TESPA1: variants seen among roughly 807,000 people sequenced by gnomAD.
The protein encoded by TESPA1 is thymocyte expressed, positive selection associated 1.
In TESPA1, 33 loss-of-function variants were observed where a neutral mutation model predicts 57.9. The ratio of observed to expected loss-of-function variants is 0.57; its 90% CI spans 0.43 to 0.76. The LOEUF (loss-of-function observed/expected upper bound fraction) is 0.76. Ranked by LOEUF, TESPA1 falls within the 30% of genes least tolerant of loss-of-function variation. TESPA1 has a pLI of 0.00. For synonymous variants in TESPA1, 227 were observed against 228.9 expected (o/e 0.99, Z 0.07); for missense variants, 618 against 632.9 (o/e 0.98, Z 0.25).
Position 54,977,900 on chromosome 12 carries a change from T to A in TESPA1, c.-45-3293A>T, listed in dbSNP as rs73319744. ...GAATTGTAGAGCCCTGTCCATGGAGTGTTATATGGGAATACTATAAGTACA... is the reference window on the plus strand; with the variant it reads ...GAATTGTAGAGCCCTGTCCATGGAGAGTTATATGGGAATACTATAAGTACA... On this transcript the variant is annotated intron_variant, in intron 1 of 10. Transcript: ENST00000449076. Among the ~76,000 whole-genome samples, 1,478 of 152,132 alleles carry A rather than the reference T, an allele frequency of 9.7e-3. 14 individuals are homozygous for A. The highest frequency in any genetic ancestry group is 0.019 in the African/African-American group (793 of 41,496).
At chr12:54,978,934 C>T (rs538351726) in intron 1 of TESPA1, among the ~76,000 whole-genome samples, 111 of 152,196 alleles carry the variant, frequency 7.3e-4, no homozygotes, top group Non-Finnish European at 1.2e-3. Flanking sequence ...GAACATAGCA[C>T]AGTACTTTGC....
chr12:54,982,224 C>T (rs1952347182), intron 1 of TESPA1, among the ~76,000 whole-genome samples: 1 of 152,232 alleles, frequency 6.6e-6, no homozygotes, highest in Non-Finnish European at 1.5e-5. Flanking sequence ...TCCTAACCCT[C>T]TTCCATGTCA....
At chr12:54,954,067 G>C (rs1349244037) in intron 10 of TESPA1, among the ~76,000 whole-genome samples, 2 of 152,212 alleles carry the variant, frequency 1.3e-5, no homozygotes, top group Non-Finnish European at 2.9e-5. Flanking sequence ...AAGGTAGTGA[G>C]AGTATTGGTA....
At position 54,973,705 on chromosome 12, in the gene TESPA1, C is replaced by G. The variant is rs1951989553; in HGVS notation, c.164-186G>C. 8.8e-6 allele frequency: 12 copies of G among 1,357,638 alleles called. No individual in the cohort carries two copies. In the South Asian group the frequency reaches 2.2e-4, roughly 24 times the overall value. 84.1% of individuals were successfully genotyped at this position (1,357,638 alleles called of 1,614,324 possible). A position where few individuals can be genotyped will look rare whatever the true frequency, so the allele number is the denominator to read the frequency against. On this transcript the variant is annotated intron_variant, in intron 2 of 10. Transcript: ENST00000449076. ...TATAAAAATAGTAGATATTTCTTCT[C>G]TCTCTCTGCTTCTTTTCTCCCTTCC...
Position 54,969,031 on chromosome 12 carries a change from A to G in TESPA1, c.207-1139T>C, listed in dbSNP as rs1178823552. On this transcript the variant is annotated intron_variant, in intron 3 of 10. Coordinates refer to ENST00000449076, the MANE Select transcript of TESPA1 (RefSeq NM_001136030.3). ...TACATATTTATATATGTATATATAT[A>G]TATATATATATATATGTGTGTGTGT... Among the ~76,000 whole-genome samples, 17 of 119,808 alleles carry G rather than the reference A, an allele frequency of 1.4e-4. 2 individuals carry two copies. The Middle Eastern group carries it at 0.03, about 211-fold the overall frequency. The allele number at this position is 119,808 out of a possible 152,430, so 78.6% of individuals were successfully genotyped here. A position where few individuals can be genotyped will look rare whatever the true frequency, so the allele number is the denominator to read the frequency against.
chr12:54,961,886 C>A (rs1427189455), intron 9 of TESPA1, among the ~76,000 whole-genome samples: 1 of 152,112 alleles, frequency 6.6e-6, no homozygotes, highest in African/African-American at 2.4e-5. Flanking sequence ...CTCGGGTAAC[C>A]AAACATGGAC....
intron 10 of TESPA1, among the ~76,000 whole-genome samples, chr12:54,951,848 TG>T (rs1167841605): frequency 1.4e-4 from 21 of 149,834 alleles, no homozygotes; most frequent in East Asian, 4.0e-4. Flanking sequence ...ATTTCTAAGT[TG>T]TTTTTTTTTT....
intron 2 of TESPA1, 147 bp from the exon 3 acceptor site, chr12:54,973,666 A>G: frequency 1.4e-6 from 2 of 1,477,148 alleles, no homozygotes; most frequent in Non-Finnish European, 9.0e-7. Flanking sequence ...AAGATATGAG[A>G]GGAATACACC....
Position 54,949,676 on chromosome 12 carries a change from T to C in TESPA1, c.*716A>G, listed in dbSNP as rs971822681. 2 of 152,198 alleles carry C rather than the reference T, an allele frequency of 1.3e-5. No individual in the cohort carries two copies. The highest frequency in any genetic ancestry group is 2.4e-5 in the African/African-American group (1 of 41,338). 9.4% of individuals were successfully genotyped at this position (152,198 alleles called of 1,614,324 possible). The stretch of plus-strand genomic sequence containing the variant: ...TTGTTTTCTGCCAACAGAAATAGCA[T>C]TTTTTCCCCCCACAATGGCTAGGAG... On this transcript the variant is annotated 3_prime_UTR_variant, in exon 11 of 11. Transcript: ENST00000449076.
intron 1 of TESPA1, among the ~76,000 whole-genome samples, chr12:54,979,849 C>T (rs1952250552): frequency 6.6e-6 from 1 of 152,180 alleles, no homozygotes; most frequent in South Asian, 2.1e-4. Context: ...GGATTCACTA[C>T]ACATTGACAC....
chr12:54,975,870 T>C (rs1419156763), intron 1 of TESPA1, among the ~76,000 whole-genome samples: 1 of 152,178 alleles, frequency 6.6e-6, no homozygotes, highest in Non-Finnish European at 1.5e-5. Flanking sequence ...TTTTAGTGCC[T>C]CTGCTTGTTA....
At chr12:54,970,562 G>A (rs568179134) in intron 3 of TESPA1, among the ~76,000 whole-genome samples, 1 of 152,134 alleles carries the variant, frequency 6.6e-6, no homozygotes, top group South Asian at 2.1e-4. Context: ...CATGGGCCTG[G>A]AGCTATTGAT....
At chr12:54,976,657 T>A (rs1320901394) in intron 1 of TESPA1, among the ~76,000 whole-genome samples, 1 of 152,222 alleles carries the variant, frequency 6.6e-6, no homozygotes, top group Non-Finnish European at 1.5e-5. Context: ...TCTCAGTTTG[T>A]CAGTGAAAAC....
intron 10 of TESPA1, among the ~76,000 whole-genome samples, chr12:54,951,739 T>G (rs1950406182): frequency 6.6e-6 from 1 of 151,910 alleles, no homozygotes; most frequent in Non-Finnish European, 1.5e-5. Context: ...ACACCCTCCT[T>G]CTTGAGAGAA....
intron 10 of TESPA1, among the ~76,000 whole-genome samples, chr12:54,953,521 A>ATTTTTTTTT (rs1950529183): frequency 8.2e-6 from 1 of 121,602 alleles, no homozygotes; most frequent in African/African-American, 3.3e-5. Context: ...TTTTTTATTT[A>ATTTTTTTTT]CTTTTTTTTT....
chr12:54,966,066 T>G lies in TESPA1; in HGVS notation c.433A>C (p.Lys145Gln). 6.4e-7 allele frequency: 1 copy of G among 1,574,344 alleles called. No homozygotes were observed. Among genetic ancestry groups the G allele is most frequent in the Non-Finnish European group, 8.6e-7 (1 of 1,158,696 alleles). ...ASSSMTGGTNKTSSSISEILD... is the reference protein window; with the variant it reads ...ASSSMTGGTNQTSSSISEILD... The stretch of plus-strand genomic sequence containing the variant: ...TTCAGTACCTACCTTGAACTAGTCT[T>G]GTTGGTCCCCCCAGTCATGCTGCTG... The change falls in exon 7 of 11, where the codon AAG becomes CAG. Residue 145 changes from lysine to glutamine, a missense_variant. Coordinates refer to ENST00000449076, the MANE Select transcript of TESPA1 (RefSeq NM_001136030.3).
chr12:54,967,775 A>G lies in TESPA1; in HGVS notation c.256+68T>C. The stretch of plus-strand genomic sequence containing the variant: ...CATGTATATGTGCATAAACACTCAC[A>G]TACACACACGCACAGGTATATCACT... On this transcript the variant is annotated intron_variant, in intron 4 of 10. Transcript: ENST00000449076. The G allele has an allele frequency of 3.2e-6, 5 of 1,584,886 alleles. No homozygotes were observed. The South Asian group carries it at 3.4e-5, about 11-fold the overall frequency.
At chr12:54,958,820 C>T (rs998372040) in intron 10 of TESPA1, among the ~76,000 whole-genome samples, 3 of 152,104 alleles carry the variant, frequency 2.0e-5, no homozygotes, top group East Asian at 1.9e-4. Context: ...CAAAGGCATT[C>T]CTCATTTCTG....
At position 54,949,505 on chromosome 12, in the gene TESPA1, CCA is replaced by C. The variant is rs1167784344; in HGVS notation, c.*885_*886del. On this transcript the variant is annotated 3_prime_UTR_variant, in exon 11 of 11. Coordinates refer to ENST00000449076, the MANE Select transcript of TESPA1 (RefSeq NM_001136030.3). ...ATATTTTCTCAGGGGAGAAATGTGT[CCA>C]AGATGCTCTGAAACCACATACTGCC... The C allele has an allele frequency of 6.6e-6, 1 of 151,832 alleles. No individual in the cohort carries two copies. Among genetic ancestry groups the C allele is most frequent in the African/African-American group, 2.4e-5 (1 of 41,290 alleles). The allele number at this position is 151,832 out of a possible 1,614,324, so 9.4% of individuals were successfully genotyped here.
Sources: allele counts gnomAD v4.1 joint callset (sites outside exome capture counted in the v4.1 genomes callset), GRCh38; gene constraint gnomAD v4.1.1; transcripts MANE v1.5; gene names NCBI Gene and HGNC (gene_info 2026-07-23, HGNC 2026-07-21).